The following CTNNA2 variants were observed in gnomAD, a reference collection of about 807,000 sequenced individuals.
CTNNA2 encodes the protein catenin alpha 2.
CTNNA2 carries 42 observed loss-of-function variants against 101.0 expected under a neutral mutation model. That is an observed-to-expected ratio of 0.42 (90% CI 0.32 to 0.54). CTNNA2 has a LOEUF of 0.54. Among genes scored for constraint, CTNNA2 ranks in the 20% least tolerant of loss-of-function variants. The pLI is 0.14. For synonymous variants in CTNNA2, 450 were observed against 456.4 expected (o/e 0.99, Z 0.18); for missense variants, 871 against 1,223.1 (o/e 0.71, Z 4.29).
At chr2:80,521,387 TC>T (rs545910173) in intron 9 of CTNNA2, among the ~76,000 whole-genome samples, 1 of 152,096 alleles carries the variant, frequency 6.6e-6, no homozygotes, top group South Asian at 2.1e-4. Context: ...TGCTCCCTGA[TC>T]CCCCCACAGT....
At chr2:79,500,050 C>G (rs1671302918) in intron 4 of CTNNA2, among the ~76,000 whole-genome samples, 1 of 152,206 alleles carries the variant, frequency 6.6e-6, no homozygotes. Context: ...GGAGGCCATT[C>G]TTGTTTACTC....
intron 2 of CTNNA2, among the ~76,000 whole-genome samples, chr2:79,674,796 C>T (rs569767712): frequency 3.3e-5 from 5 of 152,044 alleles, no homozygotes; most frequent in Admixed American, 2.0e-4. Flanking sequence ...CAACCAAAAC[C>T]GAAATTCAAG....
chr2:80,455,393 C>T (rs1206748327), intron 9 of CTNNA2, among the ~76,000 whole-genome samples: 1 of 152,122 alleles, frequency 6.6e-6, no homozygotes, highest in Non-Finnish European at 1.5e-5. Context: ...GAAGGCAGGA[C>T]TTTGTGGAGC....
intron 3 of CTNNA2, among the ~76,000 whole-genome samples, chr2:79,778,492 T>C (rs1452441878): frequency 6.6e-6 from 1 of 152,174 alleles, no homozygotes; most frequent in East Asian, 1.9e-4. Flanking sequence ...CATTCTTGAA[T>C]TCATGGGAAA....
At chr2:80,045,876 C>T (rs954237111) in intron 7 of CTNNA2, among the ~76,000 whole-genome samples, 3 of 152,018 alleles carry the variant, frequency 2.0e-5, no homozygotes, top group Admixed American at 1.3e-4. Flanking sequence ...CATATTTTTT[C>T]AGTTTAATCA....
chr2:80,133,398 G>GAAAC (rs147179705), intron 7 of CTNNA2, among the ~76,000 whole-genome samples: 6 of 151,896 alleles, frequency 4.0e-5, no homozygotes, highest in South Asian at 2.1e-4. Flanking sequence ...TCAGCCCTGT[G>GAAAC]AAACAAACAA....
intron 7 of CTNNA2, among the ~76,000 whole-genome samples, chr2:80,121,260 G>C (rs1320964084): frequency 6.6e-6 from 1 of 152,098 alleles, no homozygotes; most frequent in Non-Finnish European, 1.5e-5. Context: ...TAGAATTTCA[G>C]CTCTACCACT....
chr2:80,619,525 A>G (rs1017507556), intron 18 of CTNNA2, among the ~76,000 whole-genome samples: 33 of 152,018 alleles, frequency 2.2e-4, no homozygotes, highest in Admixed American at 1.8e-3. Flanking sequence ...AATCCATTCT[A>G]TAGTCTCTTT....
rs554094231 is a variant in CTNNA2, at chr2:79,317,647, T to G, written c.-318+4851T>G. Reference sequence around the variant, plus strand: ...TCTACCTGGGTTCTCACTCCAAAATTTATGAAACAATGAATATCCCTTATT... The same window carrying G: ...TCTACCTGGGTTCTCACTCCAAAATGTATGAAACAATGAATATCCCTTATT... On this transcript the variant is annotated intron_variant, in intron 3 of 21. Coordinates refer to the CTNNA2 transcript ENST00000466387. 2.0e-5 allele frequency among the ~76,000 whole-genome samples: 3 copies of G among 152,160 alleles called. No individual in the cohort carries two copies. In the East Asian group the frequency reaches 5.8e-4, roughly 29 times the overall value.
In CTNNA2 at chr2:79,507,124, A is replaced by C. The variant is rs1399306593; in HGVS notation, c.-6+1942A>C. Among the ~76,000 whole-genome samples the C allele has an allele frequency of 2.6e-5, 4 of 152,186 alleles. No individual in the cohort carries two copies. In the South Asian group the frequency reaches 6.2e-4, roughly 24 times the overall value. On this transcript the variant is annotated intron_variant, in intron 5 of 21. Coordinates refer to the CTNNA2 transcript ENST00000466387. The stretch of plus-strand genomic sequence containing the variant: ...AATTGACTAGTTTCGTGATTATGGG[A>C]AAGAAAAACACATTGAGTCTCAGTT...
At chr2:80,107,195 C>G (rs552446266) in intron 7 of CTNNA2, among the ~76,000 whole-genome samples, 2 of 152,290 alleles carry the variant, frequency 1.3e-5, no homozygotes, top group Admixed American at 6.5e-5. Context: ...TGTGCCCACT[C>G]TCTCCTGATT....
At chr2:80,257,996 G>A (rs1368933678) in intron 7 of CTNNA2, among the ~76,000 whole-genome samples, 1 of 152,222 alleles carries the variant, frequency 6.6e-6, no homozygotes, top group African/African-American at 2.4e-5. Context: ...ACTGCGCAAA[G>A]TAAGGGTGCA....
At chr2:79,605,173 A>G (rs1012492503) in intron 1 of CTNNA2, among the ~76,000 whole-genome samples, 7 of 152,320 alleles carry the variant, frequency 4.6e-5, no homozygotes, top group Non-Finnish European at 7.4e-5. Context: ...GACTCAAACT[A>G]ATTCCTAGAG....
intron 1 of CTNNA2, among the ~76,000 whole-genome samples, chr2:79,576,750 G>C (rs1675825215): frequency 6.6e-6 from 1 of 152,026 alleles, no homozygotes; most frequent in South Asian, 2.1e-4. Context: ...TGTTTCTTGA[G>C]TTTAAATAAA....
At chr2:79,388,270 T>G (rs1048276438) in intron 4 of CTNNA2, among the ~76,000 whole-genome samples, 2 of 152,112 alleles carry the variant, frequency 1.3e-5, no homozygotes, top group Non-Finnish European at 2.9e-5. Context: ...GCTGATGGAG[T>G]AGGTCACTGT....
At chr2:80,374,422 G>A (rs1162952093) in intron 7 of CTNNA2, among the ~76,000 whole-genome samples, 1 of 152,154 alleles carries the variant, frequency 6.6e-6, no homozygotes, top group Non-Finnish European at 1.5e-5. Flanking sequence ...GTATTCCATG[G>A]TGTATATGTA....
chr2:79,451,748 T>G (rs527591949), intron 4 of CTNNA2, among the ~76,000 whole-genome samples: 114 of 150,922 alleles, frequency 7.6e-4, no homozygotes, highest in Non-Finnish European at 1.4e-3. Flanking sequence ...TGGCATGTAT[T>G]ATATATATGT....
In CTNNA2 at chr2:80,375,709, C is replaced by T. The variant is rs558665250; in HGVS notation, c.1057-17502C>T. 4.3e-4 allele frequency among the ~76,000 whole-genome samples: 65 copies of T among 151,600 alleles called. 1 individual carries two copies. Among genetic ancestry groups the T allele is most frequent in the African/African-American group, 1.4e-3 (56 of 41,372 alleles). On this transcript the variant is annotated intron_variant, in intron 7 of 18. Coordinates refer to ENST00000402739, the MANE Select transcript of CTNNA2 (RefSeq NM_001282597.3). ...CCTCCCAAGTAGCTGGGACTACAGGCGCCCGCCACAATGCCCAGCTAATTT... is the reference window on the plus strand; with the variant it reads ...CCTCCCAAGTAGCTGGGACTACAGGTGCCCGCCACAATGCCCAGCTAATTT...
At chr2:79,646,415 G>T (rs1680818851) in intron 1 of CTNNA2, among the ~76,000 whole-genome samples, 1 of 151,742 alleles carries the variant, frequency 6.6e-6, no homozygotes, top group Non-Finnish European at 1.5e-5. Context: ...ATCCTGGCCT[G>T]TGCCTCTTTC....
Sources: gnomAD v4.1 joint callset for allele counts (sites outside exome capture counted in the v4.1 genomes callset) on GRCh38, gnomAD v4.1.1 for gene constraint, MANE v1.5 for transcripts, NCBI Gene and HGNC (gene_info 2026-07-23, HGNC 2026-07-21) for gene names.